Variants in BMPR1A observed in about 807,000 individuals in gnomAD.
The protein encoded by BMPR1A is bone morphogenetic protein receptor type-1A.
A neutral mutation model predicts 66.0 loss-of-function variants in BMPR1A; 7 were observed. The observed-to-expected ratio is 0.11, with a 90% CI of 0.06 to 0.20. The LOEUF (loss-of-function observed/expected upper bound fraction) is 0.20, where lower values mean the gene tolerates loss of function less well. BMPR1A is among the 10% of genes least tolerant of loss of function. The pLI, the probability that BMPR1A is intolerant of heterozygous loss-of-function variation, is 1.00. For synonymous variants in BMPR1A, 200 were observed against 229.7 expected, an observed-to-expected ratio of 0.87 and a Z score of 1.17; for missense variants, 408 against 669.1, an observed-to-expected ratio of 0.61 and a Z score of 4.31.
At chr10:86,801,299 CTGATAGTTTG>C (rs1455969690) in intron 1 of BMPR1A, among the ~76,000 whole-genome samples, 3 of 152,148 alleles carry the variant, frequency 2.0e-5, no homozygotes, top group African/African-American at 7.2e-5. Flanking sequence ...CCATGCCCAA[CTGATAGTTTG>C]TATTTTTTGT....
At chr10:86,810,955 C>T (rs1270298702) in intron 1 of BMPR1A, among the ~76,000 whole-genome samples, 2 of 152,104 alleles carry the variant, frequency 1.3e-5, no homozygotes, top group Non-Finnish European at 2.9e-5. Context: ...CCATGTTGGT[C>T]GGGCGGGTCT....
rs549009731 is a variant in BMPR1A, at chr10:86,926,555, T to C, written c.*2836T>C. The C allele has an allele frequency of 4.0e-5, 7 of 176,576 alleles. No homozygotes were observed. The highest frequency in any genetic ancestry group is 1.7e-4 in the African/African-American group (7 of 42,306). 10.9% of individuals were successfully genotyped at this position (176,576 alleles called of 1,614,324 possible). On this transcript the variant is annotated 3_prime_UTR_variant, in exon 13 of 13. Coordinates refer to ENST00000372037, the MANE Select transcript of BMPR1A (RefSeq NM_004329.3). ...ACAAATAAATAACAAAAAACAAAAA[T>C]GTTGCATTAAACTTAGTTCTTGTCT... is the stretch of plus-strand genomic sequence containing the variant.
At chr10:86,856,195 C>A (rs1842637760) in intron 2 of BMPR1A, 3 of 524,196 alleles carry the variant, frequency 5.7e-6, no homozygotes, top group East Asian at 5.4e-5. Context: ...ATAGAATGTT[C>A]ATTCACTACA....
chr10:86,826,154 A>T (rs1012104332), intron 1 of BMPR1A, among the ~76,000 whole-genome samples: 1 of 152,112 alleles, frequency 6.6e-6, no homozygotes, highest in Non-Finnish European at 1.5e-5. Context: ...CTTGACATTT[A>T]ACTTCTAAAC....
At chr10:86,891,831 C>T (rs1308002838) in intron 4 of BMPR1A, among the ~76,000 whole-genome samples, 2 of 152,208 alleles carry the variant, frequency 1.3e-5, no homozygotes, top group Non-Finnish European at 2.9e-5. Flanking sequence ...TTTCTGTGAT[C>T]ACATGACTGA....
At chr10:86,809,029 A>G (rs1035742461) in intron 1 of BMPR1A, among the ~76,000 whole-genome samples, 16 of 152,030 alleles carry the variant, frequency 1.1e-4, no homozygotes, top group African/African-American at 2.4e-5. Context: ...GTGCTCACCT[A>G]TCTGTTTTGA....
chr10:86,882,997 T>A (rs1025164400), intron 3 of BMPR1A, among the ~76,000 whole-genome samples: 1 of 151,746 alleles, frequency 6.6e-6, no homozygotes, highest in Non-Finnish European at 1.5e-5. Context: ...CAAAAACTAC[T>A]TATAGGAAAA....
intron 1 of BMPR1A, among the ~76,000 whole-genome samples, chr10:86,801,444 T>C (rs1040617925): frequency 4.6e-5 from 7 of 152,198 alleles, no homozygotes; most frequent in African/African-American, 1.7e-4. Context: ...CCCAGCCTGA[T>C]AGAAGCTTAG....
At chr10:86,778,157 T>C (rs1317182857) in intron 1 of BMPR1A, among the ~76,000 whole-genome samples, 1 of 152,098 alleles carries the variant, frequency 6.6e-6, no homozygotes, top group Non-Finnish European at 1.5e-5. Context: ...ATGGGCTACA[T>C]GTGGCCCAGG....
chr10:86,912,499 T>A (rs1843506577), intron 8 of BMPR1A, 115 bp downstream of exon 8: 4 of 1,349,636 alleles, frequency 3.0e-6, no homozygotes, highest in Non-Finnish European at 4.2e-6. Flanking sequence ...CATTTTTTTC[T>A]CCTTATTTAG....
chr10:86,826,411 A>AACACACACACACACACAC (rs34389289), intron 1 of BMPR1A, among the ~76,000 whole-genome samples: 99 of 147,100 alleles, frequency 6.7e-4, no homozygotes, highest in African/African-American at 1.2e-3. Context: ...CAATCAAGGA[A>AACACACACACACACACAC]ACACACACAC....
At chr10:86,807,897 G>A (rs534990080) in intron 1 of BMPR1A, among the ~76,000 whole-genome samples, 10 of 152,104 alleles carry the variant, frequency 6.6e-5, no homozygotes, top group Non-Finnish European at 8.8e-5. Flanking sequence ...CTCCCTACAA[G>A]CTGGGATTAC....
At chr10:86,908,885 T>A (rs1308979432) in intron 7 of BMPR1A, among the ~76,000 whole-genome samples, 1 of 152,188 alleles carries the variant, frequency 6.6e-6, no homozygotes, top group Non-Finnish European at 1.5e-5. Flanking sequence ...AGGTGTCATC[T>A]TCTCCTCTTC....
chr10:86,764,230 A>G (rs1841126879), intron 1 of BMPR1A, among the ~76,000 whole-genome samples: 2 of 149,186 alleles, frequency 1.3e-5, no homozygotes, highest in Admixed American at 6.6e-5. Context: ...AATGTTTTAG[A>G]TTCCTGGCTA....
At chr10:86,772,323 G>T (rs1286730550) in intron 1 of BMPR1A, among the ~76,000 whole-genome samples, 2 of 151,602 alleles carry the variant, frequency 1.3e-5, no homozygotes, top group African/African-American at 2.4e-5. Flanking sequence ...GTAGAGACGG[G>T]GTTTCACCGT....
chr10:86,860,228 T>C (rs914275840), intron 2 of BMPR1A, among the ~76,000 whole-genome samples: 9 of 151,930 alleles, frequency 5.9e-5, no homozygotes, highest in Non-Finnish European at 1.3e-4. Flanking sequence ...TAGATAACAA[T>C]GAAAATGAAT....
At chr10:86,854,604 T>G (rs1842615040) in intron 2 of BMPR1A, 1 of 157,842 alleles carries the variant, frequency 6.3e-6, no homozygotes, top group East Asian at 1.9e-4. Flanking sequence ...GGTCCCTGAC[T>G]TCCCGCAACA....
intron 2 of BMPR1A, among the ~76,000 whole-genome samples, chr10:86,862,777 G>A (rs951957754): frequency 1.7e-4 from 26 of 151,282 alleles, no homozygotes; most frequent in Admixed American, 1.6e-3. Context: ...TCAGTGTAGC[G>A]ATATTCTAAA....
chr10:86,813,489 G>A (rs1040658465), intron 1 of BMPR1A, among the ~76,000 whole-genome samples: 2 of 152,108 alleles, frequency 1.3e-5, no homozygotes, highest in African/African-American at 4.8e-5. Context: ...TACTACCCTC[G>A]GAATCCTGGT....
Sources: gnomAD v4.1 joint callset for allele counts (sites outside exome capture counted in the v4.1 genomes callset) on GRCh38, gnomAD v4.1.1 for gene constraint, MANE v1.5 for transcripts, NCBI Gene and HGNC (gene_info 2026-07-23, HGNC 2026-07-21) for gene names.